SYNE3: variants seen among roughly 807,000 people sequenced by gnomAD.
The protein encoded by SYNE3 is spectrin repeat containing nuclear envelope family member 3, also known as nesprin-3.
Under a neutral mutation model 111.2 loss-of-function variants are expected in SYNE3, and 100 were observed. The observed-to-expected ratio is 0.90, with a 90% CI of 0.77 to 1.06. The LOEUF is 1.06. SYNE3 is among the 50% of genes least tolerant of loss of function. SYNE3 has a pLI of 0.00. For synonymous variants in SYNE3, 547 were observed against 533.9 expected (o/e 1.02, Z -0.34); for missense variants, 1,160 against 1,240.3 (o/e 0.94, Z 0.97).
rs972647896 is a variant in SYNE3, at chr14:95,417,051, G to A, written c.*775C>T. The A allele has an allele frequency of 6.5e-6, 1 of 152,764 alleles. No individual in the cohort carries two copies. The highest frequency in any genetic ancestry group is 1.9e-4 in the East Asian group (1 of 5,204). 9.5% of individuals were successfully genotyped at this position (152,764 alleles called of 1,614,324 possible). A position where few individuals can be genotyped will look rare whatever the true frequency, so the allele number is the denominator to read the frequency against. Reference sequence around the variant, plus strand: ...GGGCTCGGTGTCATCACCAGGGACAGTCCTCATAGGTCTGTGTGATCAGAA... The same window carrying A: ...GGGCTCGGTGTCATCACCAGGGACAATCCTCATAGGTCTGTGTGATCAGAA... On this transcript the variant is annotated 3_prime_UTR_variant, in exon 18 of 18. Transcript: ENST00000682763.
chr14:95,425,825 T>G (rs1885398933), intron 17 of SYNE3, among the ~76,000 whole-genome samples: 1 of 152,250 alleles, frequency 6.6e-6, no homozygotes, highest in South Asian at 2.1e-4. Context: ...AAATATGGAC[T>G]GTGGATTAAA....
At chr14:95,444,452 G>A (rs1886587886) in intron 10 of SYNE3, 33 bp downstream of exon 10, 5 of 1,578,754 alleles carry the variant, frequency 3.2e-6, no homozygotes, top group Non-Finnish European at 4.3e-6. Flanking sequence ...GAGCACCTGG[G>A]CAGGAGTGAT....
chr14:95,415,276 G>GCCCCCCCCCCCCCCCCCCCCCCCCCCCCC lies in SYNE3; in HGVS notation c.*2549_*2550insGGGGGGGGGGGGGGGGGGGGGGGGGGGGG, dbSNP rs59220960. ...CATAGGAAAGTGGACACCTGGCAAG[G>GCCCCCCCCCCCCCCCCCCCCCCCCCCCCC]CCCCCCCACCCACCCACCCTGCCAC... On this transcript the variant is annotated 3_prime_UTR_variant, in exon 18 of 18. Coordinates refer to ENST00000682763, the MANE Select transcript of SYNE3 (RefSeq NM_152592.6). 26 of 139,664 alleles carry GCCCCCCCCCCCCCCCCCCCCCCCCCCCCC rather than the reference G, an allele frequency of 1.9e-4. No homozygotes were observed. Among genetic ancestry groups the GCCCCCCCCCCCCCCCCCCCCCCCCCCCCC allele is most frequent in the Admixed American group, 8.0e-4 (11 of 13,680 alleles). The allele number at this position is 139,664 out of a possible 1,614,324, so 8.7% of individuals were successfully genotyped here.
chr14:95,466,000 G>A lies in SYNE3; in HGVS notation c.558C>T (p.Asp186=), dbSNP rs1471001050. The change falls in exon 4 of 18, where the codon GAC becomes GAT. Residue 186 remains aspartate, a synonymous_variant. Transcript: ENST00000682763. ...TCTGGGCATCTTCGTCCACGCTGGG[G>A]TCCCCGATCCTGTTGAACAGGGAGG... ...EAASLFNRIG[D]PSVDEDAQKR... 3 of 1,609,712 alleles carry A rather than the reference G, an allele frequency of 1.9e-6. No homozygotes were observed. Among genetic ancestry groups the A allele is most frequent in the Non-Finnish European group, 2.6e-6 (3 of 1,176,404 alleles).
intron 1 of SYNE3, among the ~76,000 whole-genome samples, chr14:95,507,116 G>A (rs1890556938): frequency 6.6e-6 from 1 of 152,198 alleles, no homozygotes; most frequent in Non-Finnish European, 1.5e-5. Context: ...GGCCCAGAAA[G>A]ACTGTGCCTC....
Position 95,466,239 on chromosome 14 carries a change from G to C in SYNE3, c.319C>G (p.Arg107Gly). The C allele has an allele frequency of 6.4e-7, 1 of 1,561,932 alleles. No homozygotes were observed. The highest frequency in any genetic ancestry group is 8.7e-7 in the Non-Finnish European group (1 of 1,146,322). The change falls in exon 4 of 18, where the codon CGC becomes GGC. Residue 107 changes from arginine to glycine, a missense_variant and splice_region_variant. Arg to Gly is a moderately radical substitution (Grantham distance 125). Coordinates refer to ENST00000682763, the MANE Select transcript of SYNE3 (RefSeq NM_152592.6). The part of the protein sequence containing the change: ...TVTYMTHCHS[R>G]IEWVWLHWSE... ...CAGTGCAGCCACACCCACTCGATGCGGCTGTGGGCACAGAGACCTCAAGGT... is the reference window on the plus strand; with the variant it reads ...CAGTGCAGCCACACCCACTCGATGCCGCTGTGGGCACAGAGACCTCAAGGT...
At chr14:95,492,105 T>C (rs967355932) in intron 1 of SYNE3, among the ~76,000 whole-genome samples, 1 of 152,198 alleles carries the variant, frequency 6.6e-6, no homozygotes, top group African/African-American at 2.4e-5. Flanking sequence ...AGAATAGCTA[T>C]AATCAAAGGA....
chr14:95,502,961 G>A (rs1890391510), intron 1 of SYNE3, among the ~76,000 whole-genome samples: 1 of 152,196 alleles, frequency 6.6e-6, no homozygotes, highest in Non-Finnish European at 1.5e-5. Flanking sequence ...AGCTGCTGGA[G>A]GTCGGACTCC....
At chr14:95,479,744 G>A (rs139998270) in intron 1 of SYNE3, among the ~76,000 whole-genome samples, 27 of 152,318 alleles carry the variant, frequency 1.8e-4, no homozygotes, top group African/African-American at 4.6e-4. Flanking sequence ...CAGGGGCCAC[G>A]GGACCTCAAA....
intron 2 of SYNE3, among the ~76,000 whole-genome samples, chr14:95,469,562 T>G (rs1014928354): frequency 7.0e-6 from 1 of 143,360 alleles, no homozygotes. Context: ...AAATTAAAAA[T>G]TAGCCGGATG....
intron 2 of SYNE3, among the ~76,000 whole-genome samples, chr14:95,472,768 C>T (rs1302993451): frequency 1.3e-5 from 2 of 152,180 alleles, no homozygotes; most frequent in South Asian, 2.1e-4. Context: ...TCACACCTTA[C>T]AGAAAGCCCC....
At chr14:95,505,582 A>T (rs1732931562) in intron 1 of SYNE3, among the ~76,000 whole-genome samples, 1 of 152,048 alleles carries the variant, frequency 6.6e-6, no homozygotes, top group African/African-American at 2.4e-5. Flanking sequence ...ACACATCTAC[A>T]TCTTTTCTAA....
intron 17 of SYNE3, among the ~76,000 whole-genome samples, chr14:95,431,764 T>C (rs575567278): frequency 2.0e-5 from 3 of 152,314 alleles, no homozygotes; most frequent in African/African-American, 7.2e-5. Context: ...AGCATAATCA[T>C]TGGTAGCATC....
chr14:95,474,839 G>A (rs779428677), intron 2 of SYNE3, among the ~76,000 whole-genome samples: 6 of 152,304 alleles, frequency 3.9e-5, no homozygotes, highest in Middle Eastern at 3.4e-3. Flanking sequence ...GGTTTGCTGC[G>A]GGAGAAGGCA....
rs770116156 is a variant in SYNE3 at position 95,465,925 on chromosome 14, C to T, written c.627+6G>A. On this transcript the variant is annotated splice_donor_region_variant and intron_variant, in intron 4 of 17. Transcript: ENST00000682763. ...GAGGATGTAGCCCACTCAGCCTCAC[C>T]CTCACCTGGGCCTTGGCCTTCACTG... 8.7e-5 allele frequency: 136 copies of T among 1,564,788 alleles called. No homozygotes were observed. Among genetic ancestry groups the T allele is most frequent in the Non-Finnish European group, 1.1e-4 (130 of 1,145,958 alleles).
At chr14:95,437,073 A>G in intron 14 of SYNE3, 92 bp from the exon 15 acceptor site, 3 of 1,544,996 alleles carry the variant, frequency 1.9e-6, no homozygotes, top group Non-Finnish European at 2.6e-6. Flanking sequence ...AGGGGCAGGG[A>G]CCAGGACAAG....
Position 95,443,268 on chromosome 14 carries a change from CCAGCCCCTCTTCCTG to C in SYNE3, c.1783_1797del (p.Gln595_Leu599del). 3 of 1,614,220 alleles carry C rather than the reference CCAGCCCCTCTTCCTG, an allele frequency of 1.9e-6. No homozygotes were observed. Among genetic ancestry groups the C allele is most frequent in the Non-Finnish European group, 2.5e-6 (3 of 1,180,020 alleles). ...GCAGCCTCCATCTGTGCCCCCAAGT[CCAGCCCCTCTTCCTG>C]CAGCCCCTGCAGTAGAGAAGGGAAC... On this transcript the variant is annotated inframe_deletion, in exon 11 of 18. Transcript: ENST00000682763.
chr14:95,490,115 G>A (rs1393400782), intron 1 of SYNE3, among the ~76,000 whole-genome samples: 4 of 152,208 alleles, frequency 2.6e-5, no homozygotes, highest in Admixed American at 1.3e-4. Context: ...ACAAGGCAAC[G>A]TCCGATTCAC....
intron 17 of SYNE3, among the ~76,000 whole-genome samples, chr14:95,424,251 CAG>C (rs1414302981): frequency 6.6e-6 from 1 of 151,898 alleles, no homozygotes; most frequent in East Asian, 1.9e-4. Context: ...ACCCAAGAGA[CAG>C]TGCATAAACC....
Sources: gnomAD v4.1 joint callset for allele counts (sites outside exome capture counted in the v4.1 genomes callset) on GRCh38, gnomAD v4.1.1 for gene constraint, MANE v1.5 for transcripts, NCBI Gene and HGNC (gene_info 2026-07-23, HGNC 2026-07-21) for gene names.